LAPTM4B: variants seen among roughly 807,000 people sequenced by gnomAD.
The protein encoded by LAPTM4B is lysosomal-associated transmembrane protein 4B.
LAPTM4B carries 26 observed loss-of-function variants against 28.5 expected under a neutral mutation model. That is an observed-to-expected ratio of 0.91 (90% CI 0.67 to 1.27). The LOEUF is 1.27. LAPTM4B is among the 50% of genes most tolerant of loss of function. The probability of loss-of-function intolerance (pLI) is 0.00; values close to 1 mark genes in which losing one functional copy is unlikely to be tolerated. For synonymous variants in LAPTM4B, 109 were observed against 106.4 expected (o/e 1.02, Z -0.15); for missense variants, 288 against 285.8 (o/e 1.01, Z -0.06).
intron 1 of LAPTM4B, among the ~76,000 whole-genome samples, chr8:97,776,714 C>G (rs1828194231): frequency 1.3e-5 from 2 of 152,038 alleles, no homozygotes; most frequent in Admixed American, 1.3e-4. Flanking sequence ...TTTTAAAGCC[C>G]TTACTCCAGG....
chr8:97,786,105 A>G (rs1816395916), intron 1 of LAPTM4B, among the ~76,000 whole-genome samples: 1 of 152,186 alleles, frequency 6.6e-6, no homozygotes, highest in African/African-American at 2.4e-5. Flanking sequence ...GCTAGTGGAA[A>G]TAATGTGTGA....
chr8:97,839,242 T>C (rs2129842014), intron 6 of LAPTM4B, among the ~76,000 whole-genome samples: 1 of 152,332 alleles, frequency 6.6e-6, no homozygotes, highest in East Asian at 1.9e-4. Flanking sequence ...TTGCCCAGGC[T>C]GGAGTGCAAT....
Position 97,776,006 on chromosome 8 carries a change from A to C in LAPTM4B, c.-4A>C. On this transcript the variant is annotated 5_prime_UTR_variant, in exon 1 of 7. Coordinates refer to ENST00000521545, the MANE Select transcript of LAPTM4B (RefSeq NM_018407.6). ...CGCGCGCTCGCGCCACTGCGCCCGG[A>C]GCGATGAAGATGGTCGCGCCCTGGA... 1 of 1,573,068 alleles carries C rather than the reference A, an allele frequency of 6.4e-7. No homozygotes were observed. Among genetic ancestry groups the C allele is most frequent in the Non-Finnish European group, 8.6e-7 (1 of 1,165,104 alleles).
rs993319379 is a variant in LAPTM4B at position 97,850,503 on chromosome 8, A to G, written c.604-894A>G. Among the ~76,000 whole-genome samples, 48 of 40,142 alleles carry G rather than the reference A, an allele frequency of 1.2e-3. 3 individuals carry two copies. The highest frequency in any genetic ancestry group is 8.3e-3 in the African/African-American group (40 of 4,796). The allele number at this position is 40,142 out of a possible 152,430, so 26.3% of individuals were successfully genotyped here. A position where few individuals can be genotyped will look rare whatever the true frequency, so the allele number is the denominator to read the frequency against. On this transcript the variant is annotated intron_variant, in intron 6 of 6. Transcript: ENST00000521545. Reference sequence around the variant, plus strand: ...GTGTGTGTGTGTTTGGGAGAGTGCAATGTGACAAAAACTTAACAAAATTTT... The same window carrying G: ...GTGTGTGTGTGTTTGGGAGAGTGCAGTGTGACAAAAACTTAACAAAATTTT...
chr8:97,818,763 A>G (rs1028730508), intron 4 of LAPTM4B, among the ~76,000 whole-genome samples: 15 of 151,850 alleles, frequency 9.9e-5, no homozygotes, highest in African/African-American at 3.6e-4. Flanking sequence ...GTGCAGTGGC[A>G]TGATCTCGCT....
chr8:97,808,339 C>T (rs1482542577), intron 2 of LAPTM4B, among the ~76,000 whole-genome samples: 2 of 151,892 alleles, frequency 1.3e-5, no homozygotes, highest in African/African-American at 4.8e-5. Context: ...CCCAGCTACT[C>T]AGGAGGCTGA....
At chr8:97,836,948 T>C (rs549933241) in intron 6 of LAPTM4B, among the ~76,000 whole-genome samples, 3 of 151,668 alleles carry the variant, frequency 2.0e-5, no homozygotes, top group Non-Finnish European at 4.4e-5. Flanking sequence ...GAAAAAAAAA[T>C]ATATATATAT....
chr8:97,824,166 T>C (rs1245060620), intron 5 of LAPTM4B, among the ~76,000 whole-genome samples: 1 of 152,064 alleles, frequency 6.6e-6, no homozygotes, highest in East Asian at 1.9e-4. Flanking sequence ...TATTTTCATT[T>C]TATTCGGTAT....
At chr8:97,789,373 C>G (rs747894216) in intron 1 of LAPTM4B, among the ~76,000 whole-genome samples, 3 of 121,276 alleles carry the variant, frequency 2.5e-5, no homozygotes, top group Non-Finnish European at 5.7e-5. Flanking sequence ...CACGCCTGGC[C>G]TGTTTTTTTG....
chr8:97,829,693 C>CT (rs534166331), intron 6 of LAPTM4B, among the ~76,000 whole-genome samples: 4,097 of 146,952 alleles, frequency 0.028, 91 homozygotes, highest in Non-Finnish European at 0.039. Context: ...TCTTTTCTTT[C>CT]TTCTTTTTTT....
At chr8:97,836,948 T>A (rs549933241) in intron 6 of LAPTM4B, among the ~76,000 whole-genome samples, 18 of 151,782 alleles carry the variant, frequency 1.2e-4, no homozygotes, top group South Asian at 8.3e-4. Context: ...GAAAAAAAAA[T>A]ATATATATAT....
At chr8:97,777,016 G>C (rs887518189) in intron 1 of LAPTM4B, among the ~76,000 whole-genome samples, 1 of 151,902 alleles carries the variant, frequency 6.6e-6, no homozygotes, top group Non-Finnish European at 1.5e-5. Context: ...GCTGCATTTT[G>C]GGTTTTGTGA....
At chr8:97,824,097 T>TA (rs1817055161) in intron 5 of LAPTM4B, among the ~76,000 whole-genome samples, 1 of 152,202 alleles carries the variant, frequency 6.6e-6, no homozygotes, top group African/African-American at 2.4e-5. Context: ...GGGTTGCTTC[T>TA]ACTTTTTGGC....
At chr8:97,816,290 GC>G in intron 4 of LAPTM4B, 110 bp downstream of exon 4, 1 of 1,088,346 alleles carries the variant, frequency 9.2e-7, no homozygotes, top group Non-Finnish European at 1.3e-6. Flanking sequence ...TTTTTAGCTT[GC>G]AGCTGAGTTA....
Position 97,819,123 on chromosome 8 carries a change from G to A in LAPTM4B, c.409-17G>A. On this transcript the variant is annotated splice_polypyrimidine_tract_variant and intron_variant, in intron 4 of 6. Coordinates refer to ENST00000521545, the MANE Select transcript of LAPTM4B (RefSeq NM_018407.6). ...ATGATTAATGAGATTTGCTAATGAG[G>A]CCCTTTTCTTTTGCAGCCTCCTAAT... The A allele has an allele frequency of 4.8e-6, 7 of 1,454,166 alleles. No homozygotes were observed. Among genetic ancestry groups the A allele is most frequent in the Non-Finnish European group, 6.7e-6 (7 of 1,042,890 alleles). The allele number at this position is 1,454,166 out of a possible 1,614,324, so 90.1% of individuals were successfully genotyped here.
At chr8:97,801,802 C>T (rs549118523) in intron 1 of LAPTM4B, among the ~76,000 whole-genome samples, 7 of 147,246 alleles carry the variant, frequency 4.8e-5, no homozygotes, top group African/African-American at 1.8e-4. Context: ...CGAGCTTGCG[C>T]CACTGCACTC....
rs537516189 is a variant in LAPTM4B, at chr8:97,831,757, GACTGGA to G, written c.603+6607_603+6612del. ...ACAAGTATTGGCTGTCTGGAGCGGA[GACTGGA>G]ACGTGTGCAGGCGCTGAGGCTGCCT... On this transcript the variant is annotated intron_variant, in intron 6 of 6. Coordinates refer to ENST00000521545, the MANE Select transcript of LAPTM4B (RefSeq NM_018407.6). 2.0e-5 allele frequency among the ~76,000 whole-genome samples: 3 copies of G among 152,346 alleles called. No individual in the cohort carries two copies. The South Asian group carries it at 6.2e-4, about 32-fold the overall frequency.
intron 1 of LAPTM4B, among the ~76,000 whole-genome samples, chr8:97,795,554 T>G (rs1816567819): frequency 6.6e-6 from 1 of 152,184 alleles, no homozygotes; most frequent in Non-Finnish European, 1.5e-5. Context: ...CTTTGACTTT[T>G]AAGAAAGTCT....
At chr8:97,825,966 G>C (rs1240812949) in intron 6 of LAPTM4B, among the ~76,000 whole-genome samples, 1 of 152,134 alleles carries the variant, frequency 6.6e-6, no homozygotes, top group African/African-American at 2.4e-5. Context: ...ACACATAAAT[G>C]GTAGGACGTC....
Sources: gnomAD v4.1 joint callset for allele counts (sites outside exome capture counted in the v4.1 genomes callset) on GRCh38, gnomAD v4.1.1 for gene constraint, MANE v1.5 for transcripts, NCBI Gene and HGNC (gene_info 2026-07-23, HGNC 2026-07-21) for gene names.